The following PPP3CA variants were observed in gnomAD, a reference collection of about 807,000 sequenced individuals.
The protein encoded by PPP3CA is protein phosphatase 3 catalytic subunit alpha.
PPP3CA carries 14 observed loss-of-function variants against 66.5 expected under a neutral mutation model. That is an observed-to-expected ratio of 0.21 (90% CI 0.14 to 0.33). The LOEUF is 0.33. Among genes scored for constraint, PPP3CA ranks in the 10% least tolerant of loss-of-function variants. The pLI, the probability that PPP3CA is intolerant of heterozygous loss-of-function variation, is 1.00. For missense variants in PPP3CA, 317 were observed against 639.5 expected (o/e 0.50, Z 5.44); for synonymous variants, 232 against 226.2 (o/e 1.03, Z -0.23).
chr4:101,324,478 A>G (rs1304276504), intron 1 of PPP3CA, among the ~76,000 whole-genome samples: 1 of 152,206 alleles, frequency 6.6e-6, no homozygotes, highest in African/African-American at 2.4e-5. Context: ...CGAACAAAGT[A>G]TGTGCCTGGA....
At chr4:101,339,209 G>T (rs1235418287) in intron 1 of PPP3CA, among the ~76,000 whole-genome samples, 1 of 152,168 alleles carries the variant, frequency 6.6e-6, no homozygotes, top group Admixed American at 6.5e-5. Context: ...GATGTAAACA[G>T]GGAAAGAGGT....
intron 10 of PPP3CA, among the ~76,000 whole-genome samples, chr4:101,051,058 C>T (rs1465797238): frequency 1.3e-5 from 2 of 152,086 alleles, no homozygotes; most frequent in Admixed American, 1.3e-4. Context: ...ATGCTGCTGG[C>T]TTTGCAGTCA....
intron 1 of PPP3CA, among the ~76,000 whole-genome samples, chr4:101,230,076 C>G (rs1725911763): frequency 6.6e-6 from 1 of 151,626 alleles, no homozygotes; most frequent in Non-Finnish European, 1.5e-5. Flanking sequence ...TCAGAACTCA[C>G]AACAGTGTGA....
At chr4:101,058,480 ACAAAATTTCTCTG>A (rs778543296) in intron 10 of PPP3CA, among the ~76,000 whole-genome samples, 3 of 152,132 alleles carry the variant, frequency 2.0e-5, no homozygotes, top group Non-Finnish European at 4.4e-5. Flanking sequence ...ACCTGGTAGG[ACAAAATTTCTCTG>A]CAGGACTGAC....
intron 13 of PPP3CA, among the ~76,000 whole-genome samples, chr4:101,028,532 G>A (rs762366922): frequency 1.3e-5 from 2 of 151,860 alleles, no homozygotes; most frequent in Non-Finnish European, 2.9e-5. Context: ...TCTTGTTATC[G>A]GCCACTTCCA....
intron 2 of PPP3CA, among the ~76,000 whole-genome samples, chr4:101,113,506 T>C (rs1721743972): frequency 2.0e-5 from 3 of 152,112 alleles, no homozygotes; most frequent in Admixed American, 2.0e-4. Context: ...TCGTAAGTGA[T>C]TGATGGCATC....
chr4:101,247,237 C>T (rs1432861515), intron 1 of PPP3CA, among the ~76,000 whole-genome samples: 5 of 151,990 alleles, frequency 3.3e-5, no homozygotes, highest in Admixed American at 6.6e-5. Context: ...TCTCAGCTCA[C>T]TGGAACCTTC....
chr4:101,264,973 G>A (rs545100856), intron 1 of PPP3CA, among the ~76,000 whole-genome samples: 1 of 152,272 alleles, frequency 6.6e-6, no homozygotes, highest in East Asian at 1.9e-4. Context: ...TTCTCTCTGA[G>A]GGGGAAGTAG....
intron 2 of PPP3CA, among the ~76,000 whole-genome samples, chr4:101,127,041 C>T (rs760875827): frequency 2.6e-5 from 4 of 152,098 alleles, no homozygotes; most frequent in Non-Finnish European, 4.4e-5. Context: ...AAATTCTGCC[C>T]CTTACACCCA....
At chr4:101,337,384 T>C (rs2110339095) in intron 1 of PPP3CA, among the ~76,000 whole-genome samples, 1 of 152,336 alleles carries the variant, frequency 6.6e-6, no homozygotes, top group African/African-American at 2.4e-5. Flanking sequence ...CCTGTCACAA[T>C]TTATTTAAAG....
intron 10 of PPP3CA, among the ~76,000 whole-genome samples, chr4:101,056,730 A>G (rs983155682): frequency 2.0e-5 from 3 of 152,000 alleles, no homozygotes; most frequent in Admixed American, 6.6e-5. Context: ...CCTGGCAAGC[A>G]GCAGGAGAGA....
chr4:101,214,483 T>G (rs1725399204), intron 1 of PPP3CA, among the ~76,000 whole-genome samples: 1 of 152,090 alleles, frequency 6.6e-6, no homozygotes, highest in African/African-American at 2.4e-5. Context: ...AGTTGTGAGT[T>G]ACCAGAAAAA....
chr4:101,040,380 T>C (rs1727459788), intron 11 of PPP3CA, 102 bp downstream of exon 11: 3 of 791,024 alleles, frequency 3.8e-6, no homozygotes, highest in Non-Finnish European at 5.4e-6. Flanking sequence ...AAGACAAATA[T>C]TCTCTAGTAA....
intron 1 of PPP3CA, among the ~76,000 whole-genome samples, chr4:101,286,968 T>A (rs2110284356): frequency 6.6e-6 from 1 of 152,240 alleles, no homozygotes; most frequent in Non-Finnish European, 1.5e-5. Context: ...TTAAAAGTTG[T>A]TAACTTTTTT....
chr4:101,231,258 C>T (rs957370705), intron 1 of PPP3CA, among the ~76,000 whole-genome samples: 10 of 151,682 alleles, frequency 6.6e-5, no homozygotes, highest in African/African-American at 2.4e-4. Flanking sequence ...GGGGAGAATT[C>T]TGTAAGAGCA....
chr4:101,142,114 A>C (rs1215103353), intron 2 of PPP3CA, among the ~76,000 whole-genome samples: 1 of 152,190 alleles, frequency 6.6e-6, no homozygotes, highest in African/African-American at 2.4e-5. Flanking sequence ...GGATAAAAAT[A>C]ATACATAATA....
chr4:101,263,003 C>T (rs1307961821), intron 1 of PPP3CA, among the ~76,000 whole-genome samples: 3 of 152,134 alleles, frequency 2.0e-5, no homozygotes, highest in Non-Finnish European at 4.4e-5. Flanking sequence ...GAATCCACAG[C>T]AGCTATAAAG....
chr4:101,117,013 A>T (rs973418818), intron 2 of PPP3CA, among the ~76,000 whole-genome samples: 1 of 151,808 alleles, frequency 6.6e-6, no homozygotes, highest in Non-Finnish European at 1.5e-5. Context: ...AAAAGAAACA[A>T]TAAAGCTATA....
In PPP3CA at chr4:101,235,772, T is replaced by C. The variant is rs1362933217; in HGVS notation, c.59-39656A>G. On this transcript the variant is annotated intron_variant, in intron 1 of 13. Transcript: ENST00000394854. Reference sequence around the variant, plus strand: ...CTTCATGTGTAGCTTCCCTCACTGATGTTATAGAGGATAATATATAAATTT... The same window carrying C: ...CTTCATGTGTAGCTTCCCTCACTGACGTTATAGAGGATAATATATAAATTT... Among the ~76,000 whole-genome samples, 6 of 152,016 alleles carry C rather than the reference T, an allele frequency of 3.9e-5. No individual in the cohort carries two copies. The East Asian group carries it at 1.2e-3, about 30-fold the overall frequency.
Sources: gnomAD v4.1 joint callset for allele counts (sites outside exome capture counted in the v4.1 genomes callset) on GRCh38, gnomAD v4.1.1 for gene constraint, MANE v1.5 for transcripts, NCBI Gene and HGNC (gene_info 2026-07-23, HGNC 2026-07-21) for gene names.